Variants in CALN1 observed in about 807,000 individuals in gnomAD.
CALN1 encodes calcium-binding protein 8.
A neutral mutation model predicts 30.6 loss-of-function variants in CALN1; 17 were observed. The ratio of observed to expected loss-of-function variants is 0.56; its 90% CI spans 0.38 to 0.83. The LOEUF (loss-of-function observed/expected upper bound fraction) is 0.83. CALN1 is among the 40% of genes least tolerant of loss of function. CALN1 has a pLI of 0.00. For synonymous variants in CALN1, 156 were observed against 131.4 expected (o/e 1.19, Z -1.28); for missense variants, 291 against 354.9 (o/e 0.82, Z 1.45).
chr7:72,471,720 C>A, the CALN1 span, among the ~76,000 whole-genome samples: 1 of 152,194 alleles, frequency 6.6e-6, no homozygotes, highest in South Asian at 2.1e-4. Flanking sequence ...ATTCTCCCAA[C>A]ATCGGTTAGG....
At chr7:72,206,849 A>G (rs1054229991) in intron 3 of CALN1, among the ~76,000 whole-genome samples, 1 of 152,096 alleles carries the variant, frequency 6.6e-6, no homozygotes, top group African/African-American at 2.4e-5. Context: ...CTTTGATGAG[A>G]TTCATCCCAC....
intron 2 of CALN1, among the ~76,000 whole-genome samples, chr7:72,296,565 T>TCA (rs1440586002): frequency 4.1e-5 from 6 of 147,750 alleles, no homozygotes; most frequent in Non-Finnish European, 7.5e-5. Context: ...ATTCAGAGAT[T>TCA]CAACTTCTTC....
chr7:72,064,127 C>A (rs975943404), intron 4 of CALN1, among the ~76,000 whole-genome samples: 1 of 151,780 alleles, frequency 6.6e-6, no homozygotes, highest in Non-Finnish European at 1.5e-5. Context: ...ACTACAAATA[C>A]AAAAATTAGC....
At chr7:72,372,180 T>C (rs1268739271) in intron 2 of CALN1, among the ~76,000 whole-genome samples, 1 of 152,208 alleles carries the variant, frequency 6.6e-6, no homozygotes, top group Non-Finnish European at 1.5e-5. Context: ...CTTTTCTCTA[T>C]CATCTTGCAC....
Position 72,042,608 on chromosome 7 carries a change from T to C in CALN1, c.389-18839A>G, listed in dbSNP as rs548839883. On this transcript the variant is annotated intron_variant, in intron 4 of 6. Transcript: ENST00000395275. ...AGGGGCAGGAGCAGTGGATCACACG[T>C]ACGTATAACCCCAGCACTTTGGGAG... 1.2e-4 allele frequency among the ~76,000 whole-genome samples: 19 copies of C among 152,186 alleles called. 1 individual carries two copies. Among genetic ancestry groups the C allele is most frequent in the African/African-American group, 4.3e-4 (18 of 41,544 alleles).
intron 3 of CALN1, among the ~76,000 whole-genome samples, chr7:72,243,577 C>A (rs1422280232): frequency 6.6e-6 from 1 of 152,120 alleles, no homozygotes; most frequent in Non-Finnish European, 1.5e-5. Context: ...GGGAAGAGCA[C>A]ATGAACCAGC....
chr7:72,038,713 C>T (rs1801949885), intron 4 of CALN1, among the ~76,000 whole-genome samples: 1 of 152,162 alleles, frequency 6.6e-6, no homozygotes, highest in Non-Finnish European at 1.5e-5. Flanking sequence ...CCCACCAAAA[C>T]CAAGATGGCA....
intron 4 of CALN1, among the ~76,000 whole-genome samples, chr7:72,044,644 C>T (rs919673309): frequency 1.6e-5 from 2 of 128,896 alleles, no homozygotes; most frequent in Non-Finnish European, 3.1e-5. Context: ...CAGAGTGTTG[C>T]TCTGTCACCC....
chr7:72,047,405 T>C (rs143778226), intron 4 of CALN1, among the ~76,000 whole-genome samples: 152 of 152,076 alleles, frequency 1.0e-3, no homozygotes, highest in Non-Finnish European at 1.7e-3. Flanking sequence ...CTGGACAACA[T>C]AGCAAGACCC....
At chr7:72,208,104 T>C (rs996550086) in intron 3 of CALN1, among the ~76,000 whole-genome samples, 10 of 152,104 alleles carry the variant, frequency 6.6e-5, no homozygotes, top group African/African-American at 1.7e-4. Context: ...AATTGAGAAA[T>C]AGGGAGGAAA....
intron 3 of CALN1, among the ~76,000 whole-genome samples, chr7:72,195,087 C>T (rs73357165): frequency 2.0e-5 from 3 of 152,178 alleles, no homozygotes; most frequent in East Asian, 1.9e-4. Context: ...CTTTACAGTT[C>T]GTCATGTGAA....
At chr7:71,848,699 T>C (rs1440992868) in intron 5 of CALN1, among the ~76,000 whole-genome samples, 1 of 151,734 alleles carries the variant, frequency 6.6e-6, no homozygotes, top group African/African-American at 2.4e-5. Context: ...TATTTTAAGT[T>C]GAGAAAAAAG....
intron 3 of CALN1, among the ~76,000 whole-genome samples, chr7:72,215,816 C>A (rs1792758197): frequency 6.6e-6 from 1 of 152,094 alleles, no homozygotes; most frequent in South Asian, 2.1e-4. Flanking sequence ...GAGCCACAGC[C>A]ACGTCCTCCC....
chr7:72,048,937 A>G (rs1457375458), intron 4 of CALN1, among the ~76,000 whole-genome samples: 2 of 152,054 alleles, frequency 1.3e-5, no homozygotes, highest in Non-Finnish European at 2.9e-5. Context: ...CAGCCTCCCA[A>G]GTAGCTAGAA....
intron 5 of CALN1, among the ~76,000 whole-genome samples, chr7:71,847,672 A>C (rs1182696062): frequency 2.0e-5 from 3 of 150,116 alleles, no homozygotes; most frequent in Non-Finnish European, 4.4e-5. Context: ...ACAGAGTGAG[A>C]CTCTGTCAAA....
intron 5 of CALN1, among the ~76,000 whole-genome samples, chr7:71,827,023 C>T (rs1048937486): frequency 2.0e-5 from 3 of 152,166 alleles, no homozygotes; most frequent in East Asian, 1.9e-4. Context: ...AAATGCCAGC[C>T]GGATGCACGT....
intron 6 of CALN1, among the ~76,000 whole-genome samples, chr7:71,793,155 A>C (rs1786678081): frequency 6.6e-6 from 1 of 151,896 alleles, no homozygotes; most frequent in South Asian, 2.1e-4. Flanking sequence ...AAACACAAAA[A>C]ATTTGCTGGG....
intron 5 of CALN1, among the ~76,000 whole-genome samples, chr7:71,818,338 C>T (rs1788386575): frequency 6.6e-6 from 1 of 151,976 alleles, no homozygotes; most frequent in Admixed American, 6.6e-5. Flanking sequence ...GGGTAGGGGG[C>T]AGCCGTACCA....
intron 2 of CALN1, among the ~76,000 whole-genome samples, chr7:72,363,499 A>T (rs913161710): frequency 6.6e-6 from 1 of 152,052 alleles, no homozygotes; most frequent in Non-Finnish European, 1.5e-5. Context: ...TTGGCTGCCC[A>T]TAGTGTTGGG....
Sources: allele counts gnomAD v4.1 joint callset (sites outside exome capture counted in the v4.1 genomes callset), GRCh38; gene constraint gnomAD v4.1.1; transcripts MANE v1.5; gene names NCBI Gene and HGNC (gene_info 2026-07-23, HGNC 2026-07-21).